STPG2: variants seen among roughly 807,000 people sequenced by gnomAD.
STPG2 encodes the protein sperm tail PG-rich repeat containing 2.
A neutral mutation model predicts 54.2 loss-of-function variants in STPG2; 56 were observed. The ratio of observed to expected loss-of-function variants is 1.03; its 90% CI spans 0.83 to 1.29. The LOEUF (loss-of-function observed/expected upper bound fraction) is 1.29. STPG2 is among the 50% of genes most tolerant of loss of function. The pLI is 0.00. For synonymous variants in STPG2, 200 were observed against 181.8 expected (o/e 1.10, Z -0.81); for missense variants, 596 against 544.9 (o/e 1.09, Z -0.93).
chr4:97,559,143 G>A (rs2148872532), intron 10 of STPG2, 26 bp from the exon 11 acceptor site: 6 of 1,462,134 alleles, frequency 4.1e-6, no homozygotes, highest in Non-Finnish European at 5.6e-6. Context: ...GAGAAAAAAA[G>A]GAGGAAAACA....
At chr4:98,130,879 G>A (rs1308313093) in intron 2 of STPG2, among the ~76,000 whole-genome samples, 4 of 128,072 alleles carry the variant, frequency 3.1e-5, no homozygotes, top group Non-Finnish European at 4.7e-5. Flanking sequence ...CCGAGATCAC[G>A]CCACTGCACT....
intron 6 of STPG2, among the ~76,000 whole-genome samples, chr4:97,980,125 C>T (rs1734625333): frequency 6.6e-6 from 1 of 151,900 alleles, no homozygotes; most frequent in Non-Finnish European, 1.5e-5. Flanking sequence ...TTGGAGGCTG[C>T]AGTGAACTAT....
At chr4:97,686,590 A>G (rs1183430547) in intron 10 of STPG2, among the ~76,000 whole-genome samples, 1 of 152,130 alleles carries the variant, frequency 6.6e-6, no homozygotes, top group Admixed American at 6.5e-5. Flanking sequence ...GGTATTCTCA[A>G]GTTGTAATGA....
chr4:97,831,754 A>C (rs148055173), intron 9 of STPG2, among the ~76,000 whole-genome samples: 19,477 of 152,272 alleles, frequency 0.13, 1,909 homozygotes, highest in African/African-American at 0.26. Context: ...CTACAGAAAT[A>C]AACTAGAAAA....
intron 7 of STPG2, among the ~76,000 whole-genome samples, chr4:97,951,242 C>G (rs1343515894): frequency 5.3e-5 from 8 of 152,116 alleles, no homozygotes; most frequent in Non-Finnish European, 1.2e-4. Flanking sequence ...AATAATAAAA[C>G]TCTGGTCTCT....
chr4:98,079,923 A>ACT (rs1738290042), intron 5 of STPG2, among the ~76,000 whole-genome samples: 1 of 152,134 alleles, frequency 6.6e-6, no homozygotes, highest in South Asian at 2.1e-4. Flanking sequence ...TGAAAAATGT[A>ACT]TATATCTATT....
chr4:97,871,326 A>G (rs1327164960), intron 8 of STPG2, among the ~76,000 whole-genome samples: 1 of 150,672 alleles, frequency 6.6e-6, no homozygotes, highest in Non-Finnish European at 1.5e-5. Context: ...TTTTTAAATA[A>G]TAAATCTAAT....
At chr4:97,640,701 A>G (rs1721738402) in intron 10 of STPG2, among the ~76,000 whole-genome samples, 1 of 151,690 alleles carries the variant, frequency 6.6e-6, no homozygotes, top group Non-Finnish European at 1.5e-5. Flanking sequence ...AGAAGTAAAT[A>G]TAAACAAAAA....
At chr4:97,486,821 G>GTC (rs1730371713) in intron 4 of STPG2, among the ~76,000 whole-genome samples, 1 of 132,520 alleles carries the variant, frequency 7.5e-6, no homozygotes, top group African/African-American at 3.1e-5. Flanking sequence ...GTGTGTGTGT[G>GTC]TGTGTGTGTA....
At chr4:97,651,975 TA>T (rs1722082327) in intron 10 of STPG2, among the ~76,000 whole-genome samples, 1 of 151,952 alleles carries the variant, frequency 6.6e-6, no homozygotes, top group African/African-American at 2.4e-5. Context: ...ATAGTTATGC[TA>T]AAAATATCTT....
intron 9 of STPG2, among the ~76,000 whole-genome samples, chr4:97,825,048 T>C (rs1211482005): frequency 6.6e-6 from 1 of 151,906 alleles, no homozygotes; most frequent in East Asian, 1.9e-4. Flanking sequence ...TTTTTAAGAG[T>C]GCTATGTTTA....
intron 8 of STPG2, among the ~76,000 whole-genome samples, chr4:97,915,638 A>C (rs2149204092): frequency 6.6e-6 from 1 of 152,172 alleles, no homozygotes; most frequent in Admixed American, 6.5e-5. Flanking sequence ...TGTTTGACAG[A>C]GATAGAGGGT....
chr4:97,719,595 T>C (rs1034822629), intron 9 of STPG2, among the ~76,000 whole-genome samples: 1 of 151,954 alleles, frequency 6.6e-6, no homozygotes, highest in Non-Finnish European at 1.5e-5. Context: ...TAACCAGTGA[T>C]CCAAACAAAG....
chr4:97,974,717 C>A (rs1261839925), intron 6 of STPG2, among the ~76,000 whole-genome samples: 5 of 152,300 alleles, frequency 3.3e-5, no homozygotes, highest in Middle Eastern at 6.8e-3. Context: ...TGCCTTTTAT[C>A]TTCCACCATG....
intron 4 of STPG2, among the ~76,000 whole-genome samples, chr4:97,535,135 T>G (rs1305758807): frequency 6.6e-6 from 1 of 152,224 alleles, no homozygotes; most frequent in Non-Finnish European, 1.5e-5. Context: ...TCATTTCATT[T>G]GGGCAAATAC....
chr4:98,089,891 G>A (rs1240950650), intron 5 of STPG2, among the ~76,000 whole-genome samples: 1 of 151,610 alleles, frequency 6.6e-6, no homozygotes, highest in African/African-American at 2.4e-5. Context: ...CCTTTTGATG[G>A]GAGTATTTAT....
At chr4:98,033,462 T>C (rs1400211536) in intron 5 of STPG2, among the ~76,000 whole-genome samples, 1 of 152,026 alleles carries the variant, frequency 6.6e-6, no homozygotes, top group Non-Finnish European at 1.5e-5. Context: ...CAGTAATTAA[T>C]AGCCTACCAA....
chr4:97,921,859 C>T (rs1465579804), intron 8 of STPG2, among the ~76,000 whole-genome samples: 1 of 152,062 alleles, frequency 6.6e-6, no homozygotes, highest in Non-Finnish European at 1.5e-5. Flanking sequence ...GAAGGAAATC[C>T]TGTCATTTGC....
intron 10 of STPG2, among the ~76,000 whole-genome samples, chr4:97,578,660 T>C (rs1732785270): frequency 6.6e-6 from 1 of 151,962 alleles, no homozygotes; most frequent in East Asian, 1.9e-4. Context: ...CCAAGAGTTT[T>C]GGTTTGTTGA....
Sources: allele counts gnomAD v4.1 joint callset (sites outside exome capture counted in the v4.1 genomes callset), GRCh38; gene constraint gnomAD v4.1.1; transcripts MANE v1.5; gene names NCBI Gene and HGNC (gene_info 2026-07-23, HGNC 2026-07-21).